Variants in TMCC3 observed in about 807,000 individuals in gnomAD.
TMCC3 encodes transmembrane and coiled-coil domain family 3, also known as transmembrane and coiled-coil domain protein 3.
TMCC3 carries 28 observed loss-of-function variants against 40.2 expected under a neutral mutation model. The ratio of observed to expected loss-of-function variants is 0.70; its 90% CI spans 0.52 to 0.95. The LOEUF is 0.95. TMCC3 is among the 40% of genes least tolerant of loss of function. The pLI, the probability that TMCC3 is intolerant of heterozygous loss-of-function variation, is 0.00. For synonymous variants in TMCC3, 255 were observed against 248.5 expected (o/e 1.03, Z -0.25); for missense variants, 554 against 615.2 (o/e 0.90, Z 1.05).
At chr12:94,645,189 C>G (rs2069011497) in intron 1 of TMCC3, among the ~76,000 whole-genome samples, 1 of 152,184 alleles carries the variant, frequency 6.6e-6, no homozygotes, top group Non-Finnish European at 1.5e-5. Flanking sequence ...AAGCATCTTG[C>G]TCTCAAAGTG....
At chr12:94,580,964 C>T (rs2068597129) in intron 2 of TMCC3, among the ~76,000 whole-genome samples, 2 of 152,034 alleles carry the variant, frequency 1.3e-5, no homozygotes, top group Admixed American at 1.3e-4. Context: ...ATTTAAGGAC[C>T]CACACATAAA....
chr12:94,615,193 A>G (rs1178945052), intron 1 of TMCC3, among the ~76,000 whole-genome samples: 1 of 152,234 alleles, frequency 6.6e-6, no homozygotes, highest in African/African-American at 2.4e-5. Flanking sequence ...GAAGTCTTCT[A>G]TGACAAAGAG....
At chr12:94,609,978 C>T (rs2068805770) in intron 1 of TMCC3, 2 of 152,156 alleles carry the variant, frequency 1.3e-5, no homozygotes, top group African/African-American at 4.8e-5. Context: ...GCCCTAGTTG[C>T]AAGGGAGGCT....
chr12:94,599,571 C>CAA (rs1366591669), intron 1 of TMCC3, among the ~76,000 whole-genome samples: 293 of 131,528 alleles, frequency 2.2e-3, no homozygotes, highest in African/African-American at 7.9e-3. Flanking sequence ...CCCCCCCGCC[C>CAA]ACACACACAC....
chr12:94,639,374 G>A (rs902853344), intron 1 of TMCC3, among the ~76,000 whole-genome samples: 4 of 152,288 alleles, frequency 2.6e-5, no homozygotes, highest in Middle Eastern at 6.8e-3. Context: ...TTGAGGCCAG[G>A]AGTTTGAGAC....
At chr12:94,647,196 A>G (rs1367607966) in intron 1 of TMCC3, among the ~76,000 whole-genome samples, 1 of 152,216 alleles carries the variant, frequency 6.6e-6, no homozygotes, top group Non-Finnish European at 1.5e-5. Flanking sequence ...TGAGTTTTAC[A>G]AAGATGAAGT....
At position 94,607,571 on chromosome 12, in the gene TMCC3, G is replaced by A. The variant is rs1325533973; in HGVS notation, c.79-25033C>T. Among the ~76,000 whole-genome samples, 3 of 152,060 alleles carry A rather than the reference G, an allele frequency of 2.0e-5. No homozygotes were observed. In the East Asian group the frequency reaches 5.8e-4, roughly 29 times the overall value. ...GGTTCCAGGCGGTCTCTCCATTCGG[G>A]GTCCCTGACTTCCCGCAACAGATGG... is the stretch of plus-strand genomic sequence containing the variant. On this transcript the variant is annotated intron_variant, in intron 1 of 3. Coordinates refer to ENST00000261226, the MANE Select transcript of TMCC3 (RefSeq NM_020698.4).
intron 1 of TMCC3, among the ~76,000 whole-genome samples, chr12:94,588,843 TGA>T (rs1386006400): frequency 1.6e-5 from 2 of 121,896 alleles, no homozygotes; most frequent in African/African-American, 6.3e-5. Flanking sequence ...TTTTTTTTTT[TGA>T]GACAGTCTCA....
At chr12:94,633,754 G>A (rs2068945534) in intron 1 of TMCC3, among the ~76,000 whole-genome samples, 1 of 152,052 alleles carries the variant, frequency 6.6e-6, no homozygotes, top group African/African-American at 2.4e-5. Context: ...GCTCATTTTA[G>A]GCTGTTGTGT....
rs555451148 is a variant in TMCC3, at chr12:94,614,751, CAACA to C, written c.79-32217_79-32214del. 2.3e-3 allele frequency among the ~76,000 whole-genome samples: 351 copies of C among 150,892 alleles called. 2 individuals carry two copies. Among genetic ancestry groups the C allele is most frequent in the African/African-American group, 7.9e-3 (324 of 40,986 alleles). On this transcript the variant is annotated intron_variant, in intron 1 of 3. Coordinates refer to ENST00000261226, the MANE Select transcript of TMCC3 (RefSeq NM_020698.4). The stretch of plus-strand genomic sequence containing the variant: ...TCTCTGACTTTTTTCTTTTTTTAAA[CAACA>C]GACAGATTTTTTTTTTTTTTTTTGG...
At chr12:94,617,888 G>T (rs572143780) in intron 1 of TMCC3, among the ~76,000 whole-genome samples, 1 of 152,300 alleles carries the variant, frequency 6.6e-6, no homozygotes, top group South Asian at 2.1e-4. Flanking sequence ...ATATTTAAGA[G>T]GAAGAGTGTC....
intron 1 of TMCC3, among the ~76,000 whole-genome samples, chr12:94,630,887 C>T (rs1225509901): frequency 2.6e-5 from 4 of 152,124 alleles, no homozygotes; most frequent in Non-Finnish European, 4.4e-5. Context: ...CGCCATCACA[C>T]CCAGCTAATT....
chr12:94,600,248 T>G (rs932038447), intron 1 of TMCC3, among the ~76,000 whole-genome samples: 2 of 149,238 alleles, frequency 1.3e-5, no homozygotes, highest in East Asian at 2.0e-4. Context: ...TGGTTTTTTT[T>G]TTTTTTTTTT....
intron 1 of TMCC3, among the ~76,000 whole-genome samples, chr12:94,603,328 G>A (rs1340654737): frequency 6.6e-6 from 1 of 152,034 alleles, no homozygotes; most frequent in East Asian, 1.9e-4. Flanking sequence ...TCTTGGCCAG[G>A]GTGGTCTTGA....
At chr12:94,629,085 C>T (rs1446950633) in intron 1 of TMCC3, among the ~76,000 whole-genome samples, 1 of 152,194 alleles carries the variant, frequency 6.6e-6, no homozygotes, top group Non-Finnish European at 1.5e-5. Flanking sequence ...AATCAAAGAA[C>T]CTAGCTATGA....
chr12:94,649,709 G>C (rs1171058933), intron 1 of TMCC3, among the ~76,000 whole-genome samples: 1 of 152,254 alleles, frequency 6.6e-6, no homozygotes, highest in Non-Finnish European at 1.5e-5. Context: ...CTCTGCAGCA[G>C]GCTCAGAATG....
At chr12:94,614,829 G>A (rs1331823822) in intron 1 of TMCC3, among the ~76,000 whole-genome samples, 5 of 149,510 alleles carry the variant, frequency 3.3e-5, no homozygotes, top group South Asian at 4.2e-4. Context: ...GCAGTGGCGC[G>A]ATCTCAGCTC....
intron 1 of TMCC3, among the ~76,000 whole-genome samples, chr12:94,593,380 A>AAGGAAG (rs112083634): frequency 3.1e-5 from 2 of 64,438 alleles, no homozygotes; most frequent in Admixed American, 1.5e-4. Flanking sequence ...AAAGAAAAGA[A>AAGGAAG]AAGAAAGAAG....
chr12:94,644,682 G>T (rs919397655), intron 1 of TMCC3, among the ~76,000 whole-genome samples: 1 of 152,098 alleles, frequency 6.6e-6, no homozygotes, highest in Non-Finnish European at 1.5e-5. Context: ...ACAAATCACC[G>T]GTGAAAACGA....
Sources: allele counts gnomAD v4.1 joint callset (sites outside exome capture counted in the v4.1 genomes callset), GRCh38; gene constraint gnomAD v4.1.1; transcripts MANE v1.5; gene names NCBI Gene and HGNC (gene_info 2026-07-23, HGNC 2026-07-21).